The following FNBP1 variants were observed in gnomAD, a reference collection of about 807,000 sequenced individuals.
The protein encoded by FNBP1 is formin binding protein 1.
FNBP1 carries 26 observed loss-of-function variants against 90.6 expected under a neutral mutation model. That is an observed-to-expected ratio of 0.29 (90% CI 0.21 to 0.40). The LOEUF is 0.40. Among genes scored for constraint, FNBP1 ranks in the 10% least tolerant of loss-of-function variants. The pLI is 1.00. For missense variants in FNBP1, 635 were observed against 768.0 expected (o/e 0.83, Z 2.05); for synonymous variants, 260 against 265.2 (o/e 0.98, Z 0.19).
At chr9:130,053,744 C>T in the FNBP1 span, 8 of 602,900 alleles carry the variant, frequency 1.3e-5, no homozygotes, top group Middle Eastern at 4.4e-4. Flanking sequence ...CAGGAGCGGC[C>T]GATCGAAGGG....
chr9:129,985,893 C>T (rs891483984), intron 2 of FNBP1, among the ~76,000 whole-genome samples: 20 of 139,582 alleles, frequency 1.4e-4, no homozygotes, highest in Admixed American at 8.1e-4. Flanking sequence ...ACCCAGGAGG[C>T]GGTGTTGCAG....
chr9:130,045,207 T>C (rs2060054261), upstream of FNBP1: 1 of 152,208 alleles, frequency 6.6e-6, no homozygotes, highest in Non-Finnish European at 1.5e-5. Context: ...CTGCTAGATA[T>C]ATAACAATGA....
Position 130,037,799 on chromosome 9 carries a change from G to A in FNBP1, c.24+5153C>T, listed in dbSNP as rs554766028. ...ATATATATTTTACAACTGCCGAAGT[G>A]CAGAAAGGTGTTATAATTATCTTCC... On this transcript the variant is annotated intron_variant, in intron 1 of 16. Transcript: ENST00000446176. Among the ~76,000 whole-genome samples, 3 of 152,258 alleles carry A rather than the reference G, an allele frequency of 2.0e-5. No homozygotes were observed. The East Asian group carries it at 5.8e-4, about 29-fold the overall frequency.
chr9:129,979,322 A>G lies in FNBP1; in HGVS notation c.193T>C (p.Tyr65His), dbSNP rs761478038. 1.9e-6 allele frequency: 3 copies of G among 1,595,306 alleles called. No individual in the cohort carries two copies. Among genetic ancestry groups the G allele is most frequent in the Admixed American group, 3.4e-5 (2 of 59,430 alleles). ...AATTTTCAATGGTAAACATACTTGT[A>G]TTCTTCTTCCTCCTTCGAGTTCTTT... The part of the protein sequence containing the change: ...PKKNSKEEEE[Y>H]KYTSCKAFIS... Residue 65 changes from tyrosine to histidine, a missense_variant, in exon 3 of 17, where the codon TAC (tyrosine) becomes CAC (histidine). By Grantham distance (83) the Tyr-to-His change is moderately conservative (BLOSUM62 2). Coordinates refer to ENST00000446176, the MANE Select transcript of FNBP1 (RefSeq NM_015033.3).
At chr9:129,967,746 T>G (rs1288922432) in intron 4 of FNBP1, among the ~76,000 whole-genome samples, 1 of 152,156 alleles carries the variant, frequency 6.6e-6, no homozygotes, top group East Asian at 1.9e-4. Flanking sequence ...AGGAAATCAT[T>G]AATTCTAGCT....
chr9:130,013,679 T>C lies in FNBP1; in HGVS notation c.25-18721A>G, dbSNP rs1031154962. 26 of 455,554 alleles carry C rather than the reference T, an allele frequency of 5.7e-5. No homozygotes were observed. The Admixed American group carries it at 6.2e-4, about 11-fold the overall frequency. The allele number at this position is 455,554 out of a possible 1,614,324, so 28.2% of individuals were successfully genotyped here. On this transcript the variant is annotated intron_variant, in intron 1 of 16. Coordinates refer to ENST00000446176, the MANE Select transcript of FNBP1 (RefSeq NM_015033.3). ...GCAGCATAATTCATGCTAAAAAAAA[T>C]ATTGGCAACAACCTGCTTTGTTGTC...
rs2034833096 is a variant in FNBP1, at chr9:129,887,649, A to C, written c.*2890T>G. 9.1e-6 allele frequency: 2 copies of C among 219,036 alleles called. No individual in the cohort carries two copies. The highest frequency in any genetic ancestry group is 1.3e-4 in the East Asian group (2 of 14,888). The allele number at this position is 219,036 out of a possible 1,614,324, so 13.6% of individuals were successfully genotyped here. On this transcript the variant is annotated 3_prime_UTR_variant, in exon 17 of 17. Coordinates refer to ENST00000446176, the MANE Select transcript of FNBP1 (RefSeq NM_015033.3). Reference sequence around the variant, plus strand: ...CACGGTGAGCAGGATAAAAACCCCCAAGGAACAGCCCATGACAACCTTCTG... The same window carrying C: ...CACGGTGAGCAGGATAAAAACCCCCCAGGAACAGCCCATGACAACCTTCTG...
chr9:130,046,938 A>G (rs2060064097), upstream of FNBP1, among the ~76,000 whole-genome samples: 1 of 152,108 alleles, frequency 6.6e-6, no homozygotes, highest in African/African-American at 2.4e-5. Context: ...ATTAAACCCA[A>G]AAAGGAGGAC....
chr9:129,947,055 C>T (rs925056661), intron 6 of FNBP1, among the ~76,000 whole-genome samples: 5 of 152,186 alleles, frequency 3.3e-5, no homozygotes, highest in African/African-American at 9.7e-5. Flanking sequence ...GACAGACAAA[C>T]TGTGATTTTA....
chr9:130,028,246 C>A lies in FNBP1; in HGVS notation c.24+14706G>T, dbSNP rs2058529223. Among the ~76,000 whole-genome samples, 4 of 152,238 alleles carry A rather than the reference C, an allele frequency of 2.6e-5. No individual in the cohort carries two copies. In the South Asian group the frequency reaches 8.3e-4, roughly 32 times the overall value. On this transcript the variant is annotated intron_variant, in intron 1 of 16. Coordinates refer to ENST00000446176, the MANE Select transcript of FNBP1 (RefSeq NM_015033.3). ...TGTGGACATCTTTCCAAAATATAAT[C>A]TGTCCCACATGTGAAGTATCTCTAA...
chr9:129,932,019 T>C (rs1344104269), intron 6 of FNBP1, among the ~76,000 whole-genome samples: 1 of 151,868 alleles, frequency 6.6e-6, no homozygotes. Context: ...GAGACCATCC[T>C]GGCCAACATG....
intron 1 of FNBP1, among the ~76,000 whole-genome samples, chr9:130,010,800 A>G (rs2056455164): frequency 7.2e-6 from 1 of 138,206 alleles, no homozygotes; most frequent in Non-Finnish European, 1.5e-5. Flanking sequence ...AAATGTTGCT[A>G]TAATTCAACC....
At chr9:129,972,486 C>T (rs1472743465) in intron 4 of FNBP1, among the ~76,000 whole-genome samples, 3 of 151,370 alleles carry the variant, frequency 2.0e-5, no homozygotes, top group Admixed American at 6.6e-5. Context: ...GAACAACTAC[C>T]GTATGACACC....
intron 2 of FNBP1, among the ~76,000 whole-genome samples, chr9:129,988,231 T>C (rs887411394): frequency 2.0e-5 from 3 of 151,970 alleles, no homozygotes; most frequent in Non-Finnish European, 4.4e-5. Context: ...GCCACTGCAC[T>C]CCAGCCTGGG....
chr9:130,027,842 A>G (rs2058485788), intron 1 of FNBP1, among the ~76,000 whole-genome samples: 1 of 152,110 alleles, frequency 6.6e-6, no homozygotes, highest in South Asian at 2.1e-4. Flanking sequence ...GCTTCCTAAC[A>G]ATATGGTGAC....
chr9:130,005,918 C>G (rs1386259421), intron 1 of FNBP1, among the ~76,000 whole-genome samples: 2 of 152,108 alleles, frequency 1.3e-5, no homozygotes, highest in Non-Finnish European at 2.9e-5. Context: ...TATTCATCTG[C>G]TGTTTCTGAA....
rs564238385 is a variant in FNBP1, at chr9:129,887,535, G to A, written c.*3004C>T. ...AGCATGAACGTCACTTTTTGACGTC[G>A]TGTAAACTTTCTTCTGCAATGACGG... On this transcript the variant is annotated 3_prime_UTR_variant, in exon 17 of 17. Transcript: ENST00000446176. 6 of 208,372 alleles carry A rather than the reference G, an allele frequency of 2.9e-5. No individual in the cohort carries two copies. The East Asian group carries it at 2.9e-4, about 10-fold the overall frequency. 12.9% of individuals were successfully genotyped at this position (208,372 alleles called of 1,614,324 possible). A position where few individuals can be genotyped will look rare whatever the true frequency, so the allele number is the denominator to read the frequency against.
Position 129,896,066 on chromosome 9 carries a change from G to A in FNBP1, c.1688-70C>T, listed in dbSNP as rs139471083. On this transcript the variant is annotated intron_variant, in intron 15 of 16. Transcript: ENST00000446176. ...AGGGAGGAAGCAAACAGTGGCCTTC[G>A]CAATGAAACAAGTGTCGTCGAAGAT... is the stretch of plus-strand genomic sequence containing the variant. 20 of 1,466,466 alleles carry A rather than the reference G, an allele frequency of 1.4e-5. No homozygotes were observed. The African/African-American group carries it at 1.7e-4, about 12-fold the overall frequency. The allele number at this position is 1,466,466 out of a possible 1,614,324, so 90.8% of individuals were successfully genotyped here.
intron 1 of FNBP1, among the ~76,000 whole-genome samples, chr9:130,019,790 C>T (rs911090768): frequency 3.3e-5 from 5 of 152,076 alleles, no homozygotes; most frequent in African/African-American, 1.2e-4. Flanking sequence ...CGGAGTCTCG[C>T]TTCATCACCC....
Sources: gnomAD v4.1 joint callset for allele counts (sites outside exome capture counted in the v4.1 genomes callset) on GRCh38, gnomAD v4.1.1 for gene constraint, MANE v1.5 for transcripts, NCBI Gene and HGNC (gene_info 2026-07-23, HGNC 2026-07-21) for gene names.